Variants in PRDX5 observed in about 807,000 individuals in gnomAD.
PRDX5 encodes peroxiredoxin 5.
In PRDX5, 21 loss-of-function variants were observed where a neutral mutation model predicts 23.8. The observed-to-expected ratio is 0.88, with a 90% CI of 0.63 to 1.27. PRDX5 has a LOEUF of 1.27. Ranked by LOEUF, PRDX5 falls within the 50% of genes most tolerant of loss-of-function variation. The pLI is 0.00. For missense variants in PRDX5, 261 were observed against 270.6 expected (o/e 0.96, Z 0.25); for synonymous variants, 111 against 113.3 (o/e 0.98, Z 0.13).
chr11:64,320,966 C>G, intron 4 of PRDX5, 41 bp from the exon 5 acceptor site: 1 of 1,613,996 alleles, frequency 6.2e-7, no homozygotes, highest in Non-Finnish European at 8.5e-7. Flanking sequence ...GGCCCTTAGC[C>G]TCTTCAAGGA....
chr11:64,320,975 G>A lies in PRDX5; in HGVS notation c.478-32G>A, dbSNP rs763655481. On this transcript the variant is annotated intron_variant, in intron 4 of 5. Transcript: ENST00000265462. ...AGTGGGGGCCCTTAGCCTCTTCAAG[G>A]ATTTCTGACACTTTTCTCTGTCTCT... The A allele has an allele frequency of 1.1e-5, 17 of 1,613,924 alleles. No individual in the cohort carries two copies. The Middle Eastern group carries it at 6.6e-4, about 62-fold the overall frequency.
intron 5 of PRDX5, 22 bp downstream of exon 5, chr11:64,321,090 TGGAGAGAGTCCTCTGTG>T (rs531942885): frequency 0.073 from 116,492 of 1,589,286 alleles, 5,876 homozygotes; most frequent in Non-Finnish European, 0.085. Context: ...GAGTCCTCTG[TGGAGAGAGTCCTCTGTG>T]GGAGAGAGTC....
At chr11:64,320,630 C>A in intron 2 of PRDX5, 31 bp from the exon 3 acceptor site, 1 of 1,557,718 alleles carries the variant, frequency 6.4e-7, no homozygotes, top group South Asian at 1.2e-5. Context: ...TGCAGTTATC[C>A]CTTTGCCGAC....
chr11:64,320,773 C>A lies in PRDX5; in HGVS notation c.419C>A (p.Ala140Asp), dbSNP rs768090217. The A allele has an allele frequency of 6.2e-7, 1 of 1,614,104 alleles. No individual in the cohort carries two copies. Among genetic ancestry groups the A allele is most frequent in the African/African-American group, 1.3e-5 (1 of 75,046 alleles). ...DAFVTGEWGR[A>D]HKAEGKVRLL... is the part of the protein sequence containing the mutation. ...TTTGTGACTGGCGAGTGGGGCCGAG[C>A]CCACAAGGCGGAAGGCAAGGTGAGG... The change falls in exon 3 of 6, where the codon GCC becomes GAC. Residue 140 changes from alanine (A) to aspartate (D), a missense_variant. Physicochemically the swap from Ala to Asp is moderately radical, Grantham distance 126 (BLOSUM62 -2). Transcript: ENST00000265462.
In PRDX5 at chr11:64,320,672, A is replaced by G. The variant is rs1204291910; in HGVS notation, c.318A>G (p.Pro106=). The G allele has an allele frequency of 1.9e-6, 3 of 1,598,856 alleles. No individual in the cohort carries two copies. Among genetic ancestry groups the G allele is most frequent in the East Asian group, 2.2e-5 (1 of 44,644 alleles). ...FTPGCSKTHL[P]GFVEQAEALK... ...TTCCCCTTCCTCAGACACACCTGCCAGGGTTTGTGGAGCAGGCTGAGGCTC... is the reference window on the plus strand; with the variant it reads ...TTCCCCTTCCTCAGACACACCTGCCGGGGTTTGTGGAGCAGGCTGAGGCTC... The change falls in exon 3 of 6, where the codon CCA becomes CCG. Residue 106 remains proline (P), a synonymous_variant. Transcript: ENST00000265462.
At chr11:64,320,406 G>T (rs1404921043) in intron 2 of PRDX5, among the ~76,000 whole-genome samples, 3 of 152,240 alleles carry the variant, frequency 2.0e-5, no homozygotes, top group Non-Finnish European at 4.4e-5. Flanking sequence ...GACAGGCACT[G>T]TGGAAGGTGC....
chr11:64,321,318 T>G (rs527877959), intron 5 of PRDX5, among the ~76,000 whole-genome samples: 11 of 147,806 alleles, frequency 7.4e-5, no homozygotes, highest in Admixed American at 7.3e-4. Flanking sequence ...GAGAGAGTCC[T>G]GTGTGGGAGA....
intron 1 of PRDX5, among the ~76,000 whole-genome samples, chr11:64,318,602 GTTT>G (rs970684493): frequency 3.9e-5 from 6 of 151,968 alleles, no homozygotes; most frequent in African/African-American, 1.2e-4. Context: ...TGTGTTTTTT[GTTT>G]TTTGTTTTTT....
Position 64,321,701 on chromosome 11 carries a change from C to T in PRDX5, c.*10C>T. On this transcript the variant is annotated 3_prime_UTR_variant, in exon 6 of 6. Transcript: ENST00000265462. The stretch of plus-strand genomic sequence containing the variant: ...CATCTCACAGCTCTGAGGCCCTGGG[C>T]CAGATTACTTCCTCCACCCCTCCCT... The T allele has an allele frequency of 6.4e-7, 1 of 1,557,064 alleles. No individual in the cohort carries two copies. Among genetic ancestry groups the T allele is most frequent in the African/African-American group, 1.4e-5 (1 of 73,518 alleles).
Position 64,318,505 on chromosome 11 carries a change from C to T in PRDX5, c.171+119C>T, listed in dbSNP as rs1475256953. Reference sequence around the variant, plus strand: ...GCCAGACCCCTCCCCTCCGCCCGCCCGGCTCATCCCTTCAGAAGGCCCTCG... The same window carrying T: ...GCCAGACCCCTCCCCTCCGCCCGCCTGGCTCATCCCTTCAGAAGGCCCTCG... On this transcript the variant is annotated intron_variant, in intron 1 of 5. Transcript: ENST00000265462. The T allele has an allele frequency of 5.2e-6, 7 of 1,334,126 alleles. No homozygotes were observed. The South Asian group carries it at 9.2e-5, about 18-fold the overall frequency. 82.6% of individuals were successfully genotyped at this position (1,334,126 alleles called of 1,614,324 possible).
intron 2 of PRDX5, among the ~76,000 whole-genome samples, chr11:64,320,243 C>T (rs922730939): frequency 1.8e-4 from 27 of 150,676 alleles, no homozygotes; most frequent in African/African-American, 6.1e-4. Flanking sequence ...CGTGCCTCTG[C>T]AGTCCAGCCT....
At chr11:64,318,868 C>G (rs528947376) in intron 1 of PRDX5, among the ~76,000 whole-genome samples, 1 of 143,452 alleles carries the variant, frequency 7.0e-6, no homozygotes, top group South Asian at 2.4e-4. Flanking sequence ...CTCGGCTTCC[C>G]GAAGTGCTAG....
Position 64,319,797 on chromosome 11 carries a change from G to A in PRDX5, c.235G>A (p.Ala79Thr), listed in dbSNP as rs77269065. 7,594 of 1,614,150 alleles carry A rather than the reference G, an allele frequency of 4.7e-3. 33 individuals carry two copies. The highest frequency in any genetic ancestry group is 5.4e-3 in the Non-Finnish European group (6,382 of 1,179,982). The change falls in exon 2 of 6, where the codon GCA (alanine) becomes ACA (threonine). Residue 79 changes from alanine (A) to threonine (T), a missense_variant. Ala to Thr is a moderately conservative substitution (Grantham distance 58). Coordinates refer to ENST00000265462, the MANE Select transcript of PRDX5 (RefSeq NM_012094.5). ...EGEPGNKVNL[A>T]ELFKGKKGVL... is the part of the protein sequence containing the mutation. Reference sequence around the variant, plus strand: ...GGAGCCAGGGAACAAGGTGAACCTGGCAGAGCTGTTCAAGGGCAAGAAGGG... The same window carrying A: ...GGAGCCAGGGAACAAGGTGAACCTGACAGAGCTGTTCAAGGGCAAGAAGGG...
chr11:64,321,637 A>C lies in PRDX5; in HGVS notation c.591A>C (p.Pro197=). The change falls in exon 6 of 6, where the codon CCA becomes CCC. Residue 197 remains proline, a synonymous_variant. Coordinates refer to ENST00000265462, the MANE Select transcript of PRDX5 (RefSeq NM_012094.5). The part of the protein sequence containing the change: ...DGIVKALNVE[P]DGTGLTCSLA... ...TAGTGAAGGCCCTGAATGTGGAACCAGATGGCACAGGCCTCACCTGCAGCC... is the reference window on the plus strand; with the variant it reads ...TAGTGAAGGCCCTGAATGTGGAACCCGATGGCACAGGCCTCACCTGCAGCC... The C allele has an allele frequency of 6.2e-7, 1 of 1,612,204 alleles. No individual in the cohort carries two copies. Among genetic ancestry groups the C allele is most frequent in the Non-Finnish European group, 8.5e-7 (1 of 1,179,328 alleles).
In PRDX5 at chr11:64,320,646, G is replaced by C. The variant is rs746966403; in HGVS notation, c.307-15G>C. ...GCAGTTATCCCTTTGCCGACCCTTT[G>C]TTCCCCTTCCTCAGACACACCTGCC... On this transcript the variant is annotated splice_polypyrimidine_tract_variant and intron_variant, in intron 2 of 5. Coordinates refer to ENST00000265462, the MANE Select transcript of PRDX5 (RefSeq NM_012094.5). The C allele has an allele frequency of 9.5e-6, 15 of 1,574,004 alleles. 1 individual carries two copies. The South Asian group carries it at 1.6e-4, about 17-fold the overall frequency.
Position 64,320,864 on chromosome 11 carries a change from G to A in PRDX5, c.439-1G>A. 6.2e-7 allele frequency: 1 copy of A among 1,614,246 alleles called. No homozygotes were observed. Among genetic ancestry groups the A allele is most frequent in the Non-Finnish European group, 8.5e-7 (1 of 1,180,050 alleles). ...TCTTGTGACCTTTACTTTCTCTGCA[G>A]GTTCGGCTCCTGGCTGATCCCACTG... is the stretch of plus-strand genomic sequence containing the variant. On this transcript the variant is annotated splice_acceptor_variant, in intron 3 of 5. Coordinates refer to ENST00000265462, the MANE Select transcript of PRDX5 (RefSeq NM_012094.5). LOFTEE classifies it high-confidence loss of function.
At chr11:64,318,485 A>AC (rs2035385309) in intron 1 of PRDX5, 99 bp downstream of exon 1, 2 of 1,432,442 alleles carry the variant, frequency 1.4e-6, no homozygotes, top group Non-Finnish European at 1.9e-6. Flanking sequence ...TGCCTGCCAG[A>AC]CCCCTCCCCT....
In PRDX5 at chr11:64,321,783, C is replaced by G; in HGVS notation, c.*92C>G. ...TGCAATTGGAATGTTGGCCAGATTT[C>G]TGCAATAAACACTTGTGGTTTGCGG... On this transcript the variant is annotated 3_prime_UTR_variant, in exon 6 of 6. Coordinates refer to ENST00000265462, the MANE Select transcript of PRDX5 (RefSeq NM_012094.5). 1 of 1,423,254 alleles carries G rather than the reference C, an allele frequency of 7.0e-7. No individual in the cohort carries two copies. Among genetic ancestry groups the G allele is most frequent in the Non-Finnish European group, 9.4e-7 (1 of 1,067,212 alleles). 88.2% of individuals were successfully genotyped at this position (1,423,254 alleles called of 1,614,324 possible). A position where few individuals can be genotyped will look rare whatever the true frequency, so the allele number is the denominator to read the frequency against.
In PRDX5 at chr11:64,321,572, C is replaced by T. The variant is rs908773162; in HGVS notation, c.540-14C>T. The T allele has an allele frequency of 1.3e-5, 21 of 1,611,054 alleles. No individual in the cohort carries two copies. The Admixed American group carries it at 2.3e-4, about 18-fold the overall frequency. On this transcript the variant is annotated splice_polypyrimidine_tract_variant and intron_variant, in intron 5 of 5. Coordinates refer to ENST00000265462, the MANE Select transcript of PRDX5 (RefSeq NM_012094.5). ...CCAGGCTGATGCAGCTGGCTGGGCC[C>T]CTCTTTCCGGCAGGTTCTCCATGGT... is the stretch of plus-strand genomic sequence containing the variant.
Sources: allele counts gnomAD v4.1 joint callset (sites outside exome capture counted in the v4.1 genomes callset), GRCh38; gene constraint gnomAD v4.1.1; transcripts MANE v1.5; gene names NCBI Gene and HGNC (gene_info 2026-07-23, HGNC 2026-07-21).